Variants in UHRF2 observed in about 807,000 individuals in gnomAD.
The protein encoded by UHRF2 is E3 ubiquitin-protein ligase UHRF2.
A neutral mutation model predicts 96.8 loss-of-function variants in UHRF2; 23 were observed. That is an observed-to-expected ratio of 0.24 (90% CI 0.17 to 0.34). The LOEUF is 0.34. Among genes scored for constraint, UHRF2 ranks in the 10% least tolerant of loss-of-function variants. The probability of loss-of-function intolerance (pLI) is 1.00; values close to 1 mark genes in which losing one functional copy is unlikely to be tolerated. For synonymous variants in UHRF2, 385 were observed against 332.6 expected, an observed-to-expected ratio of 1.16 and a Z score of -1.72; for missense variants, 685 against 981.5, an observed-to-expected ratio of 0.70 and a Z score of 4.04.
intron 9 of UHRF2, 96 bp downstream of exon 9, chr9:6,487,021 T>C: frequency 1.8e-6 from 2 of 1,133,828 alleles, no homozygotes; most frequent in Non-Finnish European, 2.6e-6. Context: ...TGTTGTGTCT[T>C]TTTAGCACAG....
intron 8 of UHRF2, among the ~76,000 whole-genome samples, chr9:6,485,338 G>A (rs1005494488): frequency 2.6e-5 from 4 of 151,658 alleles, no homozygotes; most frequent in African/African-American, 2.4e-5. Context: ...TCGTATACCT[G>A]TCTGTCACGT....
intron 2 of UHRF2, among the ~76,000 whole-genome samples, chr9:6,429,040 C>T (rs979364940): frequency 6.6e-6 from 1 of 152,086 alleles, no homozygotes; most frequent in African/African-American, 2.4e-5. Flanking sequence ...TGGTGGATAC[C>T]TGTAATCCCA....
At chr9:6,484,076 T>TTC (rs1563796086) in intron 8 of UHRF2, among the ~76,000 whole-genome samples, 1 of 150,466 alleles carries the variant, frequency 6.6e-6, no homozygotes, top group Non-Finnish European at 1.5e-5. Flanking sequence ...TTTCTTTCTT[T>TTC]TTTTTTTTTT....
chr9:6,424,413 C>A (rs952893625), intron 2 of UHRF2, among the ~76,000 whole-genome samples: 1 of 152,154 alleles, frequency 6.6e-6, no homozygotes, highest in Non-Finnish European at 1.5e-5. Context: ...AGCCAACTTG[C>A]CATTTTTTTC....
In UHRF2 at chr9:6,455,754, A is replaced by G. The variant is rs1212912915; in HGVS notation, c.645-4819A>G. ...AATCCAAGCACTTTGGGAGGCCAAG[A>G]TGGGAGAATTGCTTCAGCCCTGGAG... is the stretch of plus-strand genomic sequence containing the variant. On this transcript the variant is annotated intron_variant, in intron 3 of 15. Coordinates refer to ENST00000276893, the MANE Select transcript of UHRF2 (RefSeq NM_152896.3). Among the ~76,000 whole-genome samples, 7 of 150,764 alleles carry G rather than the reference A, an allele frequency of 4.6e-5. No homozygotes were observed. In the South Asian group the frequency reaches 8.5e-4, roughly 18 times the overall value.
chr9:6,454,310 C>T (rs1359228803), intron 3 of UHRF2, among the ~76,000 whole-genome samples: 1 of 152,174 alleles, frequency 6.6e-6, no homozygotes, highest in African/African-American at 2.4e-5. Flanking sequence ...GGATCCAAAA[C>T]CTTGTCACAT....
intron 1 of UHRF2, among the ~76,000 whole-genome samples, chr9:6,418,307 A>G (rs1275176849): frequency 7.2e-6 from 1 of 138,912 alleles, no homozygotes; most frequent in Non-Finnish European, 1.5e-5. Context: ...TCCCATCCCT[A>G]TCCTTATCAG....
chr9:6,443,739 G>A (rs1821327102), intron 3 of UHRF2, among the ~76,000 whole-genome samples: 1 of 152,200 alleles, frequency 6.6e-6, no homozygotes, highest in Non-Finnish European at 1.5e-5. Context: ...TTTTAATACA[G>A]TGTCAAGGCT....
intron 6 of UHRF2, 40 bp downstream of exon 6, chr9:6,477,848 G>C: frequency 6.7e-7 from 1 of 1,503,546 alleles, no homozygotes; most frequent in Non-Finnish European, 9.0e-7. Flanking sequence ...TTCTTGCTGT[G>C]TAAACATGAA....
chr9:6,489,530 C>T (rs371504516), intron 9 of UHRF2, among the ~76,000 whole-genome samples: 95 of 152,314 alleles, frequency 6.2e-4, no homozygotes, highest in African/African-American at 2.0e-3. Context: ...ATGTTCCTAT[C>T]GGCAGTATAT....
chr9:6,413,448 T>C lies in UHRF2; in HGVS notation c.-43T>C, dbSNP rs1254538718. ...CCGGGCGGGGCGCGGCGCCCAGAGCTCAGGGGGAGACAAAGGGGACCGGTT... is the reference window on the plus strand; with the variant it reads ...CCGGGCGGGGCGCGGCGCCCAGAGCCCAGGGGGAGACAAAGGGGACCGGTT... On this transcript the variant is annotated 5_prime_UTR_variant, in exon 1 of 16. Transcript: ENST00000276893. 1 of 1,445,618 alleles carries C rather than the reference T, an allele frequency of 6.9e-7. No homozygotes were observed. The highest frequency in any genetic ancestry group is 9.2e-7 in the Non-Finnish European group (1 of 1,084,834). The allele number at this position is 1,445,618 out of a possible 1,614,324, so 89.5% of individuals were successfully genotyped here.
chr9:6,501,048 C>T lies in UHRF2; in HGVS notation c.2163+339C>T, dbSNP rs148479798. Among the ~76,000 whole-genome samples, 39 of 152,210 alleles carry T rather than the reference C, an allele frequency of 2.6e-4. No homozygotes were observed. The East Asian group carries it at 6.8e-3, about 26-fold the overall frequency. ...TTGTTACAGTTCAAAGTTACCTAAC[C>T]GCATAAGTCTTAAGCAGTTCAGCAC... On this transcript the variant is annotated intron_variant, in intron 14 of 15. Transcript: ENST00000276893.
At chr9:6,428,376 C>G (rs1333302440) in intron 2 of UHRF2, among the ~76,000 whole-genome samples, 2 of 152,034 alleles carry the variant, frequency 1.3e-5, no homozygotes, top group African/African-American at 2.4e-5. Context: ...TAACTGCTAC[C>G]CAGACTTCTA....
intron 14 of UHRF2, among the ~76,000 whole-genome samples, chr9:6,503,937 G>A (rs536254121): frequency 6.6e-6 from 1 of 150,384 alleles, no homozygotes; most frequent in Admixed American, 6.6e-5. Flanking sequence ...AATGTGTATG[G>A]AATGGGATTT....
At chr9:6,500,733 A>G (rs1331381119) in intron 14 of UHRF2, 24 bp downstream of exon 14, 1 of 1,586,098 alleles carries the variant, frequency 6.3e-7, no homozygotes, top group South Asian at 1.2e-5. Flanking sequence ...TTTTTAAATA[A>G]TAACATTCTG....
chr9:6,506,201 G>T lies in UHRF2; in HGVS notation c.*22G>T, dbSNP rs868270264. 23 of 1,611,670 alleles carry T rather than the reference G, an allele frequency of 1.4e-5. No individual in the cohort carries two copies. In the African/African-American group the frequency reaches 2.5e-4, roughly 18 times the overall value. On this transcript the variant is annotated 3_prime_UTR_variant, in exon 16 of 16. Transcript: ENST00000276893. Reference sequence around the variant, plus strand: ...ATGATCTGCCTGCTTTCACTGTGTTGTTCATGGTGGCTTTTTGGACAATAA... The same window carrying T: ...ATGATCTGCCTGCTTTCACTGTGTTTTTCATGGTGGCTTTTTGGACAATAA...
intron 3 of UHRF2, among the ~76,000 whole-genome samples, chr9:6,438,463 C>A (rs1229547831): frequency 6.6e-6 from 1 of 152,198 alleles, no homozygotes; most frequent in African/African-American, 2.4e-5. Context: ...AGGTTACCAT[C>A]CCATTGCATT....
At chr9:6,419,008 C>T (rs1236195039) in intron 1 of UHRF2, among the ~76,000 whole-genome samples, 1 of 152,152 alleles carries the variant, frequency 6.6e-6, no homozygotes, top group Non-Finnish European at 1.5e-5. Flanking sequence ...ACATTGTCTT[C>T]CGGCTGCATC....
At chr9:6,413,862 G>A (rs1284197016) in intron 1 of UHRF2, 2 of 486,676 alleles carry the variant, frequency 4.1e-6, no homozygotes, top group Non-Finnish European at 3.3e-6. Flanking sequence ...CGCCGCGCGG[G>A]GTCAGAAGTG....
Sources: gnomAD v4.1 joint callset for allele counts (sites outside exome capture counted in the v4.1 genomes callset) on GRCh38, gnomAD v4.1.1 for gene constraint, MANE v1.5 for transcripts, NCBI Gene and HGNC (gene_info 2026-07-23, HGNC 2026-07-21) for gene names.